The following HLCS variants were observed in gnomAD, a reference collection of about 807,000 sequenced individuals.
HLCS encodes the protein holocarboxylase synthetase.
Under a neutral mutation model 75.0 loss-of-function variants are expected in HLCS, and 53 were observed. The observed-to-expected ratio is 0.71, with a 90% CI of 0.57 to 0.89. The LOEUF is 0.89. Among genes scored for constraint, HLCS ranks in the 40% least tolerant of loss-of-function variants. The probability of loss-of-function intolerance (pLI) is 0.00; values close to 1 mark genes in which losing one functional copy is unlikely to be tolerated. For missense variants in HLCS, 966 were observed against 1,074.0 expected (o/e 0.90, Z 1.41); for synonymous variants, 431 against 428.6 (o/e 1.01, Z -0.07).
chr21:36,906,986 T>C (rs1025818627), intron 5 of HLCS, among the ~76,000 whole-genome samples: 2 of 152,186 alleles, frequency 1.3e-5, no homozygotes, highest in African/African-American at 4.8e-5. Context: ...TACAGCTCAC[T>C]GCAGCCTCAA....
chr21:36,965,448 C>T (rs961459229), intron 1 of HLCS, among the ~76,000 whole-genome samples: 45 of 152,280 alleles, frequency 3.0e-4, no homozygotes, highest in African/African-American at 1.0e-3. Flanking sequence ...CCCTTTACAG[C>T]AAGGCAGCAG....
At chr21:36,854,363 G>A (rs770108853) in intron 6 of HLCS, among the ~76,000 whole-genome samples, 4 of 152,182 alleles carry the variant, frequency 2.6e-5, no homozygotes, top group Non-Finnish European at 4.4e-5. Context: ...TCCCACCAGA[G>A]ACAGGCACAT....
chr21:36,932,663 G>A (rs944890579), intron 4 of HLCS, among the ~76,000 whole-genome samples: 9 of 152,282 alleles, frequency 5.9e-5, no homozygotes, highest in South Asian at 4.1e-4. Flanking sequence ...AACTGAGCTC[G>A]TCTGCCTTAT....
chr21:36,859,080 T>C (rs2063298065), intron 6 of HLCS, among the ~76,000 whole-genome samples: 1 of 152,184 alleles, frequency 6.6e-6, no homozygotes, highest in African/African-American at 2.4e-5. Flanking sequence ...TGGATTGCAG[T>C]GGTGAGATCC....
At chr21:36,973,227 C>CTTTTTTTTTTTTTTT (rs11327894) in intron 1 of HLCS, among the ~76,000 whole-genome samples, 1 of 91,054 alleles carries the variant, frequency 1.1e-5, no homozygotes, top group Non-Finnish European at 2.1e-5. Flanking sequence ...AAGACCCTGT[C>CTTTTTTTTTTTTTTT]TTTTTTTTTT....
At chr21:36,917,084 T>C (rs2065965253) in intron 5 of HLCS, among the ~76,000 whole-genome samples, 1 of 152,216 alleles carries the variant, frequency 6.6e-6, no homozygotes, top group Non-Finnish European at 1.5e-5. Flanking sequence ...ATGACTCTTT[T>C]ACCTTTTCTT....
chr21:36,932,823 G>C (rs998889203), intron 4 of HLCS, among the ~76,000 whole-genome samples: 1 of 152,208 alleles, frequency 6.6e-6, no homozygotes, highest in Non-Finnish European at 1.5e-5. Flanking sequence ...CCAAATGTTA[G>C]AAGTTGAGGC....
At chr21:36,854,648 G>C (rs2063124514) in intron 6 of HLCS, among the ~76,000 whole-genome samples, 2 of 152,250 alleles carry the variant, frequency 1.3e-5, no homozygotes, top group South Asian at 4.1e-4. Context: ...TGTGGGTGCA[G>C]GACTGCCCCC....
intron 6 of HLCS, among the ~76,000 whole-genome samples, chr21:36,785,292 G>A (rs1334525256): frequency 6.6e-6 from 1 of 152,138 alleles, no homozygotes; most frequent in Non-Finnish European, 1.5e-5. Flanking sequence ...GTGGGACAAG[G>A]GGCCTCTTTC....
chr21:36,874,315 T>C (rs1015791030), intron 6 of HLCS, among the ~76,000 whole-genome samples: 1 of 151,444 alleles, frequency 6.6e-6, no homozygotes, highest in African/African-American at 2.4e-5. Flanking sequence ...GGCAGGAGAA[T>C]GGCATGAACC....
chr21:36,793,423 T>G (rs2060932817), intron 6 of HLCS, among the ~76,000 whole-genome samples: 1 of 150,868 alleles, frequency 6.6e-6, no homozygotes, highest in Admixed American at 6.6e-5. Context: ...TTCCTCAGCC[T>G]CCCAAGTAGC....
At chr21:36,766,222 C>T (rs374949752) in intron 7 of HLCS, among the ~76,000 whole-genome samples, 1 of 151,814 alleles carries the variant, frequency 6.6e-6, no homozygotes, top group East Asian at 1.9e-4. Flanking sequence ...ATGGGTCTTG[C>T]TAAGTTGTCC....
Position 36,765,114 on chromosome 21 carries a change from G to A in HLCS, c.2019C>T (p.Ile673=). The part of the protein sequence containing the change: ...PVGCALSTLL[I]SIPLRSQLGQ... ...CCAGCTGGGATCTCAGTGGAATGGA[G>A]ATGAGCAGAGTAGAAAGAGCACATC... is the stretch of plus-strand genomic sequence containing the variant. Residue 673 remains isoleucine (I), a synonymous_variant, in exon 8 of 11, where the codon ATC becomes ATT. Coordinates refer to ENST00000674895, the MANE Select transcript of HLCS (RefSeq NM_001352514.2). 1 of 1,614,146 alleles carries A rather than the reference G, an allele frequency of 6.2e-7. No homozygotes were observed. Among genetic ancestry groups the A allele is most frequent in the South Asian group, 1.1e-5 (1 of 91,076 alleles).
chr21:36,989,952 C>T (rs2146757214), intron 1 of HLCS, among the ~76,000 whole-genome samples: 1 of 152,198 alleles, frequency 6.6e-6, no homozygotes, highest in African/African-American at 2.4e-5. Context: ...CCGCGAGGTC[C>T]CTATGGCTGC....
chr21:36,851,405 T>A (rs927346471), intron 6 of HLCS, among the ~76,000 whole-genome samples: 1 of 152,248 alleles, frequency 6.6e-6, no homozygotes, highest in African/African-American at 2.4e-5. Context: ...GAGGTCATTA[T>A]GCTCAGTGAA....
At position 36,756,631 on chromosome 21, in the gene HLCS, G is replaced by T. The variant is rs61732507; in HGVS notation, c.2361C>A (p.Val787=). Residue 787 remains valine (V), a synonymous_variant, in exon 10 of 11, where the codon GTC becomes GTA. Transcript: ENST00000674895. ...TGATCAGTTTCTCCAGCACAGTCAC[G>T]ACTCTGGCGATGAGATAATCGGCTC... The part of the protein sequence containing the change: ...PLRADYLIAR[V]VTVLEKLIKE... 6.2e-7 allele frequency: 1 copy of T among 1,614,068 alleles called. No homozygotes were observed. Among genetic ancestry groups the T allele is most frequent in the East Asian group, 2.2e-5 (1 of 44,880 alleles).
intron 6 of HLCS, among the ~76,000 whole-genome samples, chr21:36,894,351 T>C (rs1185914022): frequency 2.6e-5 from 4 of 152,212 alleles, no homozygotes; most frequent in Admixed American, 2.0e-4. Context: ...GGATCAAATA[T>C]AGTTTTAGAA....
chr21:36,928,586 C>T (rs2066504362), intron 5 of HLCS, among the ~76,000 whole-genome samples: 1 of 151,968 alleles, frequency 6.6e-6, no homozygotes, highest in African/African-American at 2.4e-5. Flanking sequence ...TAAAAATAAA[C>T]ATTAAGAAAT....
At chr21:36,814,319 C>T (rs1449098264) in intron 6 of HLCS, among the ~76,000 whole-genome samples, 1 of 152,190 alleles carries the variant, frequency 6.6e-6, no homozygotes, top group East Asian at 1.9e-4. Flanking sequence ...CCCAAAAGGG[C>T]TATACTATCA....
Sources: allele counts gnomAD v4.1 joint callset (sites outside exome capture counted in the v4.1 genomes callset), GRCh38; gene constraint gnomAD v4.1.1; transcripts MANE v1.5; gene names NCBI Gene and HGNC (gene_info 2026-07-23, HGNC 2026-07-21).